The following GCN1 variants were observed in gnomAD, a reference collection of about 807,000 sequenced individuals.
GCN1 encodes GCN1 activator of EIF2AK4.
Under a neutral mutation model 288.4 loss-of-function variants are expected in GCN1, and 90 were observed. The observed-to-expected ratio is 0.31, with a 90% confidence interval of 0.26 to 0.37. GCN1 has a LOEUF of 0.37. Among genes scored for constraint, GCN1 ranks in the 10% least tolerant of loss-of-function variants. The pLI is 1.00. For missense variants in GCN1, 2,586 were observed against 3,419.9 expected (o/e 0.76, Z 6.08); for synonymous variants, 1,386 against 1,420.2 (o/e 0.98, Z 0.54).
intron 15 of GCN1, among the ~76,000 whole-genome samples, chr12:120,169,693 G>A (rs754591976): frequency 1.1e-4 from 16 of 152,098 alleles, no homozygotes; most frequent in East Asian, 1.9e-4. Flanking sequence ...TAGTAAAGAC[G>A]GGGTTTCACC....
Position 120,134,210 on chromosome 12 carries a change from C to G in GCN1, c.7317+81G>C. The G allele has an allele frequency of 1.1e-6, 1 of 906,598 alleles. No homozygotes were observed. The highest frequency in any genetic ancestry group is 1.4e-5 in the South Asian group (1 of 73,000). The allele number at this position is 906,598 out of a possible 1,614,324, so 56.2% of individuals were successfully genotyped here. ...TACTACTGAGCTGTACTGGTTCTAACACAAAGTGAAGAACTCAACCTAAGG... is the reference window on the plus strand; with the variant it reads ...TACTACTGAGCTGTACTGGTTCTAAGACAAAGTGAAGAACTCAACCTAAGG... On this transcript the variant is annotated intron_variant, in intron 53 of 57. Transcript: ENST00000300648. This position sits in a 1 kb window ranked among gnomAD's most constrained non-coding sequence, Gnocchi z 5.0.
chr12:120,136,011 T>C (rs7301660), intron 51 of GCN1, among the ~76,000 whole-genome samples: 37,090 of 151,826 alleles, frequency 0.24, 5,899 homozygotes, highest in East Asian at 0.56. Flanking sequence ...AGTTAGACTC[T>C]GTCTCAAAAA....
In GCN1 at chr12:120,155,106, G is replaced by A; in HGVS notation, c.3631-66C>T. 3 of 1,540,026 alleles carry A rather than the reference G, an allele frequency of 1.9e-6. No homozygotes were observed. The highest frequency in any genetic ancestry group is 2.7e-6 in the Non-Finnish European group (3 of 1,112,362). On this transcript the variant is annotated intron_variant, in intron 30 of 57. Coordinates refer to ENST00000300648, the MANE Select transcript of GCN1 (RefSeq NM_006836.2). This position sits in a 1 kb window ranked among gnomAD's most constrained non-coding sequence, Gnocchi z 4.9. ...TCAATGACCTGGGCACCAGGATTGT[G>A]AGGCAGGAAACTAGCCGCAGCTACC... is the stretch of plus-strand genomic sequence containing the variant.
At chr12:120,186,624 G>A (rs1225041483) in intron 2 of GCN1, among the ~76,000 whole-genome samples, 1 of 152,172 alleles carries the variant, frequency 6.6e-6, no homozygotes, top group African/African-American at 2.4e-5. Context: ...TTTCCCCAGG[G>A]CCCTGACCAC....
rs1300992023 is a variant in GCN1, at chr12:120,153,191, T to G, written c.4062+22A>C. 6.2e-7 allele frequency: 1 copy of G among 1,608,162 alleles called. No homozygotes were observed. The highest frequency in any genetic ancestry group is 1.7e-5 in the Admixed American group (1 of 59,960). ...CCCAATTCTCTAACCGACATGTGGG[T>G]CCCAGGCCAGATGGCAGGTACCTGC... On this transcript the variant is annotated intron_variant, in intron 33 of 57. Transcript: ENST00000300648. The surrounding 1 kb of genome is among the most constrained non-coding windows in gnomAD (Gnocchi z 4.4).
In GCN1 at chr12:120,127,636, CCTTCT is replaced by C; in HGVS notation, c.*208_*212del. 1 of 575,904 alleles carries C rather than the reference CCTTCT, an allele frequency of 1.7e-6. No individual in the cohort carries two copies. Among genetic ancestry groups the C allele is most frequent in the Non-Finnish European group, 3.1e-6 (1 of 324,958 alleles). The allele number at this position is 575,904 out of a possible 1,614,324, so 35.7% of individuals were successfully genotyped here. On this transcript the variant is annotated 3_prime_UTR_variant, in exon 58 of 58. Transcript: ENST00000300648. ...TGCTGAGGCGCATGCGTGTGCTTTTCCTTCTCTTCTCCACAGGAAAAGGTGAGAGA... is the reference window on the plus strand; with the variant it reads ...TGCTGAGGCGCATGCGTGTGCTTTTCCTTCTCCACAGGAAAAGGTGAGAGA...
intron 16 of GCN1, among the ~76,000 whole-genome samples, chr12:120,166,405 A>AC (rs1878126886): frequency 6.9e-6 from 1 of 144,654 alleles, no homozygotes; most frequent in Non-Finnish European, 1.5e-5. Flanking sequence ...CTGTCTCAAA[A>AC]AAAAAAAAAA....
At chr12:120,128,089 ACT>A in intron 57 of GCN1, 115 bp from the exon 58 acceptor site, 1 of 1,062,790 alleles carries the variant, frequency 9.4e-7, no homozygotes, top group Admixed American at 2.2e-5. Context: ...ACTGAGGTGG[ACT>A]CTGGCAAAAT....
chr12:120,134,408 G>T lies in GCN1; in HGVS notation c.7203-3C>A. ...TCAGGGCCTGCAGCATGGTGTCCCT[G>T]CAGAAGCAATGCACCGCCTTAAGCC... is the stretch of plus-strand genomic sequence containing the variant. On this transcript the variant is annotated splice_polypyrimidine_tract_variant and splice_region_variant and intron_variant, in intron 52 of 57. Coordinates refer to ENST00000300648, the MANE Select transcript of GCN1 (RefSeq NM_006836.2). This position sits in a 1 kb window ranked among gnomAD's most constrained non-coding sequence, Gnocchi z 5.0. 6.2e-7 allele frequency: 1 copy of T among 1,611,186 alleles called. No individual in the cohort carries two copies. The highest frequency in any genetic ancestry group is 8.5e-7 in the Non-Finnish European group (1 of 1,177,442).
At chr12:120,166,002 G>A (rs1277300004) in intron 16 of GCN1, among the ~76,000 whole-genome samples, 1 of 152,010 alleles carries the variant, frequency 6.6e-6, no homozygotes, top group South Asian at 2.1e-4. Flanking sequence ...ATGTTGGCCA[G>A]GATAGTCTCG....
At chr12:120,152,268 A>G (rs1877581468) in intron 33 of GCN1, among the ~76,000 whole-genome samples, 1 of 151,716 alleles carries the variant, frequency 6.6e-6, no homozygotes, top group South Asian at 2.1e-4. Context: ...GCCTTAAGCA[A>G]TCCTCCCACC....
intron 21 of GCN1, 58 bp downstream of exon 21, chr12:120,161,822 C>T: frequency 1.9e-6 from 3 of 1,538,774 alleles, no homozygotes; most frequent in Non-Finnish European, 1.8e-6. Context: ...CCATTCTACA[C>T]ACAAGAAAAC....
intron 16 of GCN1, among the ~76,000 whole-genome samples, chr12:120,167,161 G>A (rs1298847618): frequency 6.6e-6 from 1 of 151,448 alleles, no homozygotes; most frequent in African/African-American, 2.4e-5. Context: ...CCAACATGGA[G>A]AAACCCCATC....
intron 9 of GCN1, among the ~76,000 whole-genome samples, chr12:120,176,459 C>G (rs1242897095): frequency 6.6e-6 from 1 of 152,226 alleles, no homozygotes; most frequent in African/African-American, 2.4e-5. Context: ...GACAGAGACT[C>G]AACCCTCAGA....
chr12:120,144,898 G>C lies in GCN1; in HGVS notation c.5155+25C>G, dbSNP rs1877314663. 6.2e-7 allele frequency: 1 copy of C among 1,614,048 alleles called. No homozygotes were observed. Among genetic ancestry groups the C allele is most frequent in the African/African-American group, 1.3e-5 (1 of 75,034 alleles). On this transcript the variant is annotated intron_variant, in intron 40 of 57. Coordinates refer to ENST00000300648, the MANE Select transcript of GCN1 (RefSeq NM_006836.2). The surrounding 1 kb of genome is among the most constrained non-coding windows in gnomAD (Gnocchi z 4.7). ...GGCCCCTTAGAGCATTCCCAGGCTGGCCACTGGACCTGCTCTGGCCTTACC... is the reference window on the plus strand; with the variant it reads ...GGCCCCTTAGAGCATTCCCAGGCTGCCCACTGGACCTGCTCTGGCCTTACC...
At chr12:120,146,776 T>C (rs1018846832) in intron 38 of GCN1, among the ~76,000 whole-genome samples, 14 of 152,128 alleles carry the variant, frequency 9.2e-5, no homozygotes, top group African/African-American at 1.7e-4. Context: ...CAAGAGCAAG[T>C]AGTCAAAGTG....
chr12:120,161,238 A>G (rs1329558887), intron 22 of GCN1, among the ~76,000 whole-genome samples: 1 of 152,212 alleles, frequency 6.6e-6, no homozygotes, highest in Non-Finnish European at 1.5e-5. Context: ...CACTTAGCAG[A>G]GGAGACACGT....
At position 120,155,474 on chromosome 12, in the gene GCN1, A is replaced by G; in HGVS notation, c.3441-44T>C. ...AGGGGCTGCTTAGACAAAGATCTGC[A>G]GCACTTGCCCTGCCAGCCCAGCCCT... On this transcript the variant is annotated intron_variant, in intron 29 of 57. Coordinates refer to ENST00000300648, the MANE Select transcript of GCN1 (RefSeq NM_006836.2). The surrounding 1 kb of genome is among the most constrained non-coding windows in gnomAD (Gnocchi z 4.9). 1 of 1,604,918 alleles carries G rather than the reference A, an allele frequency of 6.2e-7. No homozygotes were observed. Among genetic ancestry groups the G allele is most frequent in the Admixed American group, 1.7e-5 (1 of 59,960 alleles).
In GCN1 at chr12:120,144,336, T is replaced by C; in HGVS notation, c.5465A>G (p.Gln1822Arg). ...AIALLLPQLE[Q>R]GLFDDLWRIR... is the part of the protein sequence containing the mutation. ...TCTCCAAAGGTCATCAAAGAGGCCT[T>C]GCTCTAGCTGGGGCAGCAGCAGGGC... is the stretch of plus-strand genomic sequence containing the variant. Residue 1822 changes from glutamine to arginine, a missense_variant, in exon 42 of 58, where the codon CAA (glutamine) becomes CGA (arginine). Transcript: ENST00000300648. The surrounding 1 kb of genome is among the most constrained non-coding windows in gnomAD (Gnocchi z 4.7). 6.2e-7 allele frequency: 1 copy of C among 1,614,252 alleles called. No individual in the cohort carries two copies.
Sources: allele counts gnomAD v4.1 joint callset (sites outside exome capture counted in the v4.1 genomes callset), GRCh38; gene constraint gnomAD v4.1.1; non-coding constraint Gnocchi (gnomAD v3.1); transcripts MANE v1.5; gene names NCBI Gene and HGNC (gene_info 2026-07-23, HGNC 2026-07-21).